LHX8: variants seen among roughly 807,000 people sequenced by gnomAD.
LHX8 encodes the protein LIM/homeobox protein Lhx8.
In LHX8, 12 loss-of-function variants were observed where a neutral mutation model predicts 40.3. That is an observed-to-expected ratio of 0.30 (90% CI 0.19 to 0.48). The LOEUF (loss-of-function observed/expected upper bound fraction) is 0.48. Among genes scored for constraint, LHX8 ranks in the 20% least tolerant of loss-of-function variants. The pLI is 0.99. For synonymous variants in LHX8, 179 were observed against 162.0 expected (o/e 1.10, Z -0.80); for missense variants, 344 against 433.7 (o/e 0.79, Z 1.84).
the LHX8 span, among the ~76,000 whole-genome samples, chr1:75,196,116 G>T: frequency 6.6e-6 from 1 of 152,110 alleles, no homozygotes; most frequent in Non-Finnish European, 1.5e-5. Flanking sequence ...CATTCAGAAG[G>T]ATTTTAATAA....
chr1:75,182,369 C>CTTT, the LHX8 span, among the ~76,000 whole-genome samples: 33 of 92,328 alleles, frequency 3.6e-4, no homozygotes, highest in Non-Finnish European at 4.9e-4. Flanking sequence ...TGCCTATTTC[C>CTTT]TTTTTTTTTT....
the LHX8 span, among the ~76,000 whole-genome samples, chr1:75,196,708 C>A: frequency 6.6e-6 from 1 of 152,072 alleles, no homozygotes; most frequent in South Asian, 2.1e-4. Flanking sequence ...TATTAAGAGA[C>A]GGAAAGAGAT....
chr1:75,166,048 T>C (rs1456560805), downstream of LHX8, among the ~76,000 whole-genome samples: 3 of 152,150 alleles, frequency 2.0e-5, no homozygotes, highest in Non-Finnish European at 4.4e-5. Flanking sequence ...TCCATTAATT[T>C]TGAAGGGCGG....
upstream of LHX8, chr1:75,130,997 T>A (rs1391839892): frequency 2.6e-5 from 14 of 544,912 alleles, no homozygotes; most frequent in Admixed American, 5.6e-5. Context: ...CCTACAGTCC[T>A]ATGGCCCACT....
chr1:75,131,330 G>A (rs1445415457), upstream of LHX8: 1 of 164,072 alleles, frequency 6.1e-6, no homozygotes, highest in Non-Finnish European at 1.4e-5. Context: ...TCACCCCGAG[G>A]AGCTCAGAGG....
intron 1 of LHX8, among the ~76,000 whole-genome samples, chr1:75,129,332 A>T (rs1048977146): frequency 6.6e-6 from 1 of 152,244 alleles, no homozygotes; most frequent in African/African-American, 2.4e-5. Flanking sequence ...TAGGAAGGAA[A>T]GGAAGAAAAC....
At chr1:75,136,578 A>G in intron 1 of LHX8, 25 bp from the exon 2 acceptor site, 1 of 1,507,628 alleles carries the variant, frequency 6.6e-7, no homozygotes, top group Non-Finnish European at 9.0e-7. Context: ...GTTTCTCCAT[A>G]CTTTCTCCCC....
the LHX8 span, among the ~76,000 whole-genome samples, chr1:75,170,358 G>T: frequency 6.6e-6 from 1 of 151,718 alleles, no homozygotes; most frequent in Non-Finnish European, 1.5e-5. Context: ...TCACTCAGTT[G>T]CTCAGTTGGC....
the LHX8 span, among the ~76,000 whole-genome samples, chr1:75,177,148 G>C: frequency 6.6e-6 from 1 of 152,108 alleles, no homozygotes; most frequent in African/African-American, 2.4e-5. Context: ...GATTGTCTTG[G>C]CAATGTGGGC....
At chr1:75,187,089 C>T in the LHX8 span, among the ~76,000 whole-genome samples, 3 of 152,072 alleles carry the variant, frequency 2.0e-5, no homozygotes, top group African/African-American at 4.8e-5. Context: ...ATAACATTCT[C>T]CTAGTGAAAT....
chr1:75,144,506 G>A (rs1648409289), intron 6 of LHX8, among the ~76,000 whole-genome samples: 2 of 152,168 alleles, frequency 1.3e-5, no homozygotes, highest in South Asian at 4.1e-4. Flanking sequence ...GGTGGTAAAG[G>A]GAGTACTTCT....
At chr1:75,183,529 CT>C in the LHX8 span, among the ~76,000 whole-genome samples, 1 of 151,748 alleles carries the variant, frequency 6.6e-6, no homozygotes. Flanking sequence ...CCAAACTAAG[CT>C]TTCTTAGCAA....
Position 75,140,720 on chromosome 1 carries a change from G to C in LHX8, c.238-265G>C, listed in dbSNP as rs141461871. ...TTAAGAAAGAAAGAAAAAGCAACCT[G>C]AATTCTTCAAAGGAATAGAAAATAT... On this transcript the variant is annotated intron_variant, in intron 3 of 8. Transcript: ENST00000356261. Among the ~76,000 whole-genome samples the C allele has an allele frequency of 5.6e-3, 852 of 152,140 alleles. 5 individuals are homozygous for C. The highest frequency in any genetic ancestry group is 7.4e-3 in the Non-Finnish European group (501 of 67,992).
chr1:75,162,375 T>C (rs1312184236), downstream of LHX8, among the ~76,000 whole-genome samples: 1 of 151,964 alleles, frequency 6.6e-6, no homozygotes, highest in African/African-American at 2.4e-5. Flanking sequence ...AGGCATGAAG[T>C]GATGAGGTCA....
Position 75,160,949 on chromosome 1 carries a change from TA to T in LHX8, c.*55del. 7.9e-7 allele frequency: 1 copy of T among 1,259,330 alleles called. No homozygotes were observed. Among genetic ancestry groups the T allele is most frequent in the Non-Finnish European group, 1.2e-6 (1 of 857,960 alleles). The allele number at this position is 1,259,330 out of a possible 1,614,324, so 78.0% of individuals were successfully genotyped here. On this transcript the variant is annotated 3_prime_UTR_variant, in exon 9 of 9. Coordinates refer to ENST00000356261, the MANE Select transcript of LHX8 (RefSeq NM_001256114.2). ...GGATATAAATTTGTCATTTATTATG[TA>T]TAAAATACCATTGAAAAGATATTAC...
the LHX8 span, among the ~76,000 whole-genome samples, chr1:75,176,960 G>A: frequency 2.6e-5 from 4 of 152,062 alleles, no homozygotes; most frequent in Non-Finnish European, 4.4e-5. Flanking sequence ...TTTTTGTCAG[G>A]TTTGTCAAAG....
At chr1:75,165,219 C>A (rs568533592), downstream of LHX8, among the ~76,000 whole-genome samples, 1 of 152,050 alleles carries the variant, frequency 6.6e-6, no homozygotes, top group Admixed American at 6.6e-5. Context: ...TTTTTAAATG[C>A]GTTTCTGTAT....
chr1:75,179,786 G>A, the LHX8 span, among the ~76,000 whole-genome samples: 3 of 152,056 alleles, frequency 2.0e-5, no homozygotes, highest in Admixed American at 1.3e-4. Context: ...TCCTAGCAGC[G>A]ATGGTCTTTA....
upstream of LHX8, among the ~76,000 whole-genome samples, chr1:75,134,034 C>T (rs778847683): frequency 1.3e-5 from 2 of 152,036 alleles, no homozygotes; most frequent in Non-Finnish European, 2.9e-5. Flanking sequence ...TCACCCAGAC[C>T]TCCACTTCCC....
Sources: allele counts gnomAD v4.1 joint callset (sites outside exome capture counted in the v4.1 genomes callset), GRCh38; gene constraint gnomAD v4.1.1; transcripts MANE v1.5; gene names NCBI Gene and HGNC (gene_info 2026-07-23, HGNC 2026-07-21).